RERE: variants seen among roughly 807,000 people sequenced by gnomAD.
RERE encodes the protein arginine-glutamic acid dipeptide repeats.
RERE carries 40 observed loss-of-function variants against 146.1 expected under a neutral mutation model. The observed-to-expected ratio is 0.27, with a 90% CI of 0.21 to 0.36. The LOEUF is 0.36. Among genes scored for constraint, RERE ranks in the 10% least tolerant of loss-of-function variants. The probability of loss-of-function intolerance (pLI) is 1.00; values close to 1 mark genes in which losing one functional copy is unlikely to be tolerated. For missense variants in RERE, 1,933 were observed against 2,138.7 expected (o/e 0.90, Z 1.90); for synonymous variants, 1,003 against 866.0 (o/e 1.16, Z -2.78).
At chr1:8,520,157 C>G (rs1326576010) in intron 7 of RERE, among the ~76,000 whole-genome samples, 2 of 152,000 alleles carry the variant, frequency 1.3e-5, no homozygotes, top group Non-Finnish European at 1.5e-5. Context: ...ATACAAAGGC[C>G]AACACAAGAA....
chr1:8,548,045 TAAG>T (rs1469185462), intron 6 of RERE, among the ~76,000 whole-genome samples: 1 of 152,186 alleles, frequency 6.6e-6, no homozygotes, highest in Non-Finnish European at 1.5e-5. Context: ...TATGAACTGA[TAAG>T]AGCAATTCCC....
intron 12 of RERE, among the ~76,000 whole-genome samples, chr1:8,372,506 T>TCGTGTGTG (rs1553157677): frequency 4.6e-5 from 2 of 43,886 alleles, no homozygotes; most frequent in Non-Finnish European, 9.9e-5. Context: ...TACCATCAGG[T>TCGTGTGTG]CGTGTGTGTG....
intron 7 of RERE, among the ~76,000 whole-genome samples, chr1:8,536,481 T>G (rs1173373003): frequency 6.6e-6 from 1 of 152,236 alleles, no homozygotes; most frequent in Non-Finnish European, 1.5e-5. Flanking sequence ...CATCTCTTTT[T>G]GTAAGCTAAG....
chr1:8,486,778 G>GA (rs1159721386), intron 10 of RERE, among the ~76,000 whole-genome samples: 24 of 122,918 alleles, frequency 2.0e-4, no homozygotes, highest in African/African-American at 6.9e-4. Context: ...AAAAAGAAAA[G>GA]AAAGAAAAGA....
intron 4 of RERE, among the ~76,000 whole-genome samples, chr1:8,558,022 T>C (rs559531549): frequency 3.3e-5 from 5 of 152,128 alleles, no homozygotes; most frequent in Admixed American, 1.3e-4. Flanking sequence ...CCAGACTAAA[T>C]CAGATTCTCC....
intron 4 of RERE, among the ~76,000 whole-genome samples, chr1:8,604,924 T>C (rs1177875994): frequency 6.6e-6 from 1 of 152,190 alleles, no homozygotes; most frequent in Non-Finnish European, 1.5e-5. Flanking sequence ...CTGTGATGCT[T>C]GGAATTGAGG....
At chr1:8,681,855 G>A (rs545462274) in intron 1 of RERE, among the ~76,000 whole-genome samples, 2 of 152,218 alleles carry the variant, frequency 1.3e-5, no homozygotes, top group East Asian at 1.9e-4. Flanking sequence ...GGAATGGAAG[G>A]CGAAATTGAT....
At chr1:8,643,009 G>C (rs540134696) in intron 2 of RERE, among the ~76,000 whole-genome samples, 1 of 152,290 alleles carries the variant, frequency 6.6e-6, no homozygotes, top group South Asian at 2.1e-4. Flanking sequence ...AAGTACCTGG[G>C]ATACATCGGG....
chr1:8,566,399 A>G (rs558860534), intron 4 of RERE, among the ~76,000 whole-genome samples: 2 of 152,256 alleles, frequency 1.3e-5, no homozygotes, highest in African/African-American at 2.4e-5. Flanking sequence ...AGGCAGGTGG[A>G]TCACAAGTTC....
chr1:8,570,408 C>T (rs1646206943), intron 4 of RERE, among the ~76,000 whole-genome samples: 1 of 152,106 alleles, frequency 6.6e-6, no homozygotes, highest in Non-Finnish European at 1.5e-5. Flanking sequence ...AATAAACCCA[C>T]TACATGCTCG....
intron 12 of RERE, among the ~76,000 whole-genome samples, chr1:8,374,763 T>C (rs913163073): frequency 6.6e-6 from 1 of 152,170 alleles, no homozygotes; most frequent in Non-Finnish European, 1.5e-5. Context: ...CCATATTCCT[T>C]TCTACCATAT....
At chr1:8,736,767 C>T (rs1188955775) in intron 1 of RERE, among the ~76,000 whole-genome samples, 1 of 148,814 alleles carries the variant, frequency 6.7e-6, no homozygotes, top group East Asian at 2.0e-4. Context: ...TCTTGGGTCT[C>T]TCAACACTCT....
intron 2 of RERE, among the ~76,000 whole-genome samples, chr1:8,633,441 A>T (rs372692393): frequency 2.0e-5 from 3 of 151,366 alleles, no homozygotes; most frequent in South Asian, 2.1e-4. Context: ...GCACGTGCGC[A>T]CGCACACACA....
chr1:8,628,825 T>C (rs1226730608), intron 2 of RERE, among the ~76,000 whole-genome samples: 1 of 152,222 alleles, frequency 6.6e-6, no homozygotes, highest in Non-Finnish European at 1.5e-5. Flanking sequence ...AAGATTTTCA[T>C]GCAATTTATG....
chr1:8,664,073 C>T (rs1000675311), intron 1 of RERE, among the ~76,000 whole-genome samples: 1 of 152,222 alleles, frequency 6.6e-6, no homozygotes, highest in Non-Finnish European at 1.5e-5. Context: ...TCCCCACTAA[C>T]TGCAAAGTCC....
intron 1 of RERE, among the ~76,000 whole-genome samples, chr1:8,755,461 T>TG (rs1640622813): frequency 6.6e-6 from 1 of 152,026 alleles, no homozygotes; most frequent in Admixed American, 6.6e-5. Flanking sequence ...TTATACAAGT[T>TG]GGGGGGCCTT....
intron 1 of RERE, among the ~76,000 whole-genome samples, chr1:8,781,912 T>C (rs549473848): frequency 5.9e-5 from 9 of 152,226 alleles, no homozygotes; most frequent in Middle Eastern, 3.4e-3. Context: ...AGTTTTTAAA[T>C]TGCAGGTTCA....
chr1:8,471,115 C>T (rs1176045390), intron 10 of RERE, among the ~76,000 whole-genome samples: 1 of 151,990 alleles, frequency 6.6e-6, no homozygotes, highest in East Asian at 1.9e-4. Flanking sequence ...CAGCGCCCAG[C>T]CTTTTTATTA....
intron 1 of RERE, among the ~76,000 whole-genome samples, chr1:8,732,824 T>C (rs995334062): frequency 7.1e-6 from 1 of 140,690 alleles, no homozygotes; most frequent in Non-Finnish European, 1.5e-5. Flanking sequence ...TTTTTTTTTT[T>C]TTTTTTTTTT....
Sources: allele counts gnomAD v4.1 joint callset (sites outside exome capture counted in the v4.1 genomes callset), GRCh38; gene constraint gnomAD v4.1.1; transcripts MANE v1.5; gene names NCBI Gene and HGNC (gene_info 2026-07-23, HGNC 2026-07-21).